Variants in RPUSD3 observed in about 807,000 individuals in gnomAD.
The protein encoded by RPUSD3 is mitochondrial mRNA pseudouridine synthase RPUSD3.
RPUSD3 carries 36 observed loss-of-function variants against 35.1 expected under a neutral mutation model. The observed-to-expected ratio is 1.02, with a 90% CI of 0.79 to 1.35. The LOEUF (loss-of-function observed/expected upper bound fraction) is 1.35. Among genes scored for constraint, RPUSD3 ranks in the 40% most tolerant of loss-of-function variants. The pLI is 0.00. For synonymous variants in RPUSD3, 202 were observed against 187.8 expected (o/e 1.08, Z -0.62); for missense variants, 486 against 441.9 (o/e 1.10, Z -0.89).
At chr3:9,841,925 T>A (rs1411091429) in intron 4 of RPUSD3, 58 bp downstream of exon 4, 1 of 1,404,610 alleles carries the variant, frequency 7.1e-7, no homozygotes, top group Non-Finnish European at 9.9e-7. Context: ...CAAGCAGCTG[T>A]TTCCCCACCA....
At position 9,840,429 on chromosome 3, in the gene RPUSD3, T is replaced by C. The variant is rs531663793; in HGVS notation, c.600+103A>G. 5.1e-5 allele frequency: 82 copies of C among 1,603,178 alleles called. No homozygotes were observed. In the African/African-American group the frequency reaches 6.3e-4, roughly 12 times the overall value. Reference sequence around the variant, plus strand: ...ATAGGCAGTGGTCACTTGCCTGTTTTAGGGGACAGGAGAGCCAGCCATCCC... The same window carrying C: ...ATAGGCAGTGGTCACTTGCCTGTTTCAGGGGACAGGAGAGCCAGCCATCCC... On this transcript the variant is annotated intron_variant, in intron 6 of 8. Transcript: ENST00000383820.
chr3:9,838,018 A>G (rs779801349), exon 9 of RPUSD3: 3 of 1,563,032 alleles, frequency 1.9e-6, no homozygotes, highest in Non-Finnish European at 2.6e-6. Context: ...AGGGAGGACT[A>G]TTGTAAGCGG....
chr3:9,843,276 T>G, intron 2 of RPUSD3, 189 bp downstream of exon 2: 1 of 746,408 alleles, frequency 1.3e-6, no homozygotes, highest in East Asian at 2.6e-5. Context: ...CTCCCCACTC[T>G]TAACCCTACT....
intron 2 of RPUSD3, 90 bp from the exon 3 acceptor site, chr3:9,842,333 T>C (rs1458998810): frequency 8.2e-7 from 1 of 1,214,232 alleles, no homozygotes; most frequent in Non-Finnish European, 1.2e-6. Context: ...CTCACGCATC[T>C]TAGCACATGT....
In RPUSD3 at chr3:9,840,320, C is replaced by T. The variant is rs1305411284; in HGVS notation, c.601-13G>A. ...TCACTGGAACTGTCTGTGGTGCCAG[C>T]CAAGAGTGAACAAGCCTTACACAGG... On this transcript the variant is annotated splice_polypyrimidine_tract_variant and intron_variant, in intron 6 of 8. Coordinates refer to ENST00000383820, the Ensembl canonical transcript of RPUSD3. The T allele has an allele frequency of 6.2e-6, 10 of 1,614,016 alleles. 1 individual carries two copies. Among genetic ancestry groups the T allele is most frequent in the Admixed American group, 5.0e-5 (3 of 59,998 alleles).
intron 2 of RPUSD3, 87 bp from the exon 3 acceptor site, chr3:9,842,330 A>C (rs2082116638): frequency 2.4e-6 from 3 of 1,225,878 alleles, no homozygotes; most frequent in African/African-American, 1.5e-5. Context: ...TTTCTCACGC[A>C]TCTTAGCACA....
chr3:9,843,599 T>C (rs760554242), exon 2 of RPUSD3: 1 of 1,613,642 alleles, frequency 6.2e-7, no homozygotes. Context: ...TTGCCTCTGA[T>C]GCCTGGACAA....
At chr3:9,843,903 C>G (rs770243856) in exon 1 of RPUSD3, 1 of 1,605,298 alleles carries the variant, frequency 6.2e-7, no homozygotes, top group Non-Finnish European at 8.5e-7. Context: ...GCTTCGGTGC[C>G]AAAGCCTGCG....
exon 8 of RPUSD3, chr3:9,839,060 G>C: frequency 6.2e-7 from 1 of 1,614,212 alleles, no homozygotes; most frequent in Non-Finnish European, 8.5e-7. Flanking sequence ...GTTCTCAGCT[G>C]GCAGCAGAAA....
exon 9 of RPUSD3, chr3:9,838,131 A>G: frequency 6.2e-7 from 1 of 1,612,436 alleles, no homozygotes; most frequent in South Asian, 1.1e-5. Context: ...GAGCCGATGT[A>G]GGTGGAGGTG....
chr3:9,841,716 G>A, intron 4 of RPUSD3: 1 of 312,870 alleles, frequency 3.2e-6, no homozygotes, highest in South Asian at 5.9e-5. Flanking sequence ...TGATCCTCTT[G>A]CCTTGGCCTC....
chr3:9,843,406 A>G (rs2082130826), intron 2 of RPUSD3, 59 bp downstream of exon 2: 3 of 1,603,328 alleles, frequency 1.9e-6, no homozygotes, highest in Non-Finnish European at 2.6e-6. Context: ...GGAGAGCCCA[A>G]CTGCACGCCG....
At position 9,840,026 on chromosome 3, in the gene RPUSD3, G is replaced by A. The variant is rs112940787; in HGVS notation, c.724+158C>T. The A allele has an allele frequency of 5.7e-4, 468 of 826,814 alleles. 4 individuals are homozygous for A. In the African/African-American group the frequency reaches 5.9e-3, roughly 10 times the overall value. The allele number at this position is 826,814 out of a possible 1,614,324, so 51.2% of individuals were successfully genotyped here. On this transcript the variant is annotated intron_variant, in intron 7 of 8. Coordinates refer to ENST00000383820, the Ensembl canonical transcript of RPUSD3. ...CTCCCGAGTAGCTGGTTTTACAGGC[G>A]CCTGCCACCGTGCCCAGCTAATTTT... is the stretch of plus-strand genomic sequence containing the variant.
At position 9,842,263 on chromosome 3, in the gene RPUSD3, A is replaced by C. The variant is rs2082115858; in HGVS notation, c.263-20T>G. On this transcript the variant is annotated intron_variant, in intron 2 of 8. Coordinates refer to ENST00000383820, the Ensembl canonical transcript of RPUSD3. ...GAGGTCCTGAAACATACATCACACG[A>C]ACATCAGCAAAAGCAACGGTAACCC... is the stretch of plus-strand genomic sequence containing the variant. 1 of 1,613,858 alleles carries C rather than the reference A, an allele frequency of 6.2e-7. No individual in the cohort carries two copies. The highest frequency in any genetic ancestry group is 8.5e-7 in the Non-Finnish European group (1 of 1,179,890).
exon 7 of RPUSD3, chr3:9,840,222 C>T: frequency 6.2e-7 from 1 of 1,614,036 alleles, no homozygotes; most frequent in Non-Finnish European, 8.5e-7. Flanking sequence ...ACAGCCAGAG[C>T]CTGTGGCTAC....
At chr3:9,840,888 C>A in intron 4 of RPUSD3, 83 bp from the exon 5 acceptor site, 1 of 963,890 alleles carries the variant, frequency 1.0e-6, no homozygotes, top group Non-Finnish European at 1.6e-6. Context: ...CACTGACCTG[C>A]TTCAGGCCAA....
chr3:9,843,443 G>A (rs148538908), intron 2 of RPUSD3, 22 bp downstream of exon 2: 18,754 of 1,612,880 alleles, frequency 0.012, 149 homozygotes, highest in Non-Finnish European at 0.014. Context: ...GTCCTTGTGC[G>A]GCCGTGCCTC....
chr3:9,843,905 A>C (rs1256981675), exon 1 of RPUSD3: 1 of 1,605,696 alleles, frequency 6.2e-7, no homozygotes, highest in Non-Finnish European at 8.5e-7. Flanking sequence ...TTCGGTGCCA[A>C]AGCCTGCGTC....
chr3:9,842,108 A>G (rs2082113225), intron 3 of RPUSD3, 26 bp from the exon 4 acceptor site: 2 of 1,603,802 alleles, frequency 1.2e-6, no homozygotes, highest in South Asian at 1.1e-5. Flanking sequence ...GAAAAATTAC[A>G]AGAGGCCAAA....
Sources: allele counts gnomAD v4.1 joint callset, GRCh38; gene constraint gnomAD v4.1.1; transcripts MANE v1.5; gene names NCBI Gene and HGNC (gene_info 2026-07-23, HGNC 2026-07-21).